EYS: variants seen among roughly 807,000 people sequenced by gnomAD.
The protein encoded by EYS is protein eyes shut homolog.
Under a neutral mutation model 282.1 loss-of-function variants are expected in EYS, and 250 were observed. That is an observed-to-expected ratio of 0.89 (90% CI 0.80 to 0.98). The LOEUF (loss-of-function observed/expected upper bound fraction) is 0.98. EYS is among the 50% of genes least tolerant of loss of function. The pLI is 0.00. For missense variants in EYS, 4,016 were observed against 3,709.0 expected (o/e 1.08, Z -2.15); for synonymous variants, 1,355 against 1,282.9 (o/e 1.06, Z -1.20).
At chr6:64,078,036 T>A (rs892627339) in intron 32 of EYS, among the ~76,000 whole-genome samples, 8 of 152,044 alleles carry the variant, frequency 5.3e-5, no homozygotes, top group African/African-American at 1.9e-4. Context: ...TTGTTCCTTT[T>A]CAACATCAAT....
intron 22 of EYS, among the ~76,000 whole-genome samples, chr6:64,769,184 G>T (rs1416363263): frequency 6.6e-6 from 1 of 152,036 alleles, no homozygotes; most frequent in African/African-American, 2.4e-5. Flanking sequence ...ACTATTACAG[G>T]CCTAAATCAT....
Position 65,525,845 on chromosome 6 carries a change from C to T in EYS, c.-332-29852G>A, listed in dbSNP as rs540197154. On this transcript the variant is annotated intron_variant, in intron 2 of 42. Transcript: ENST00000503581. ...AATTTCACAAAATAGCACTCTTGCCCATTTATAAATTATATTCTCTTAATT... is the reference window on the plus strand; with the variant it reads ...AATTTCACAAAATAGCACTCTTGCCTATTTATAAATTATATTCTCTTAATT... 1.9e-4 allele frequency among the ~76,000 whole-genome samples: 29 copies of T among 152,262 alleles called. 1 individual carries two copies. The South Asian group carries it at 3.1e-3, about 16-fold the overall frequency.
At chr6:64,692,768 T>G (rs1373205407) in intron 22 of EYS, among the ~76,000 whole-genome samples, 2 of 152,154 alleles carry the variant, frequency 1.3e-5, no homozygotes, top group East Asian at 3.9e-4. Context: ...ATTGCTTGTT[T>G]TTGTCTACCT....
In EYS at chr6:64,004,703, C is replaced by T. The variant is rs867842803; in HGVS notation, c.6726-5520G>A. 7.2e-5 allele frequency among the ~76,000 whole-genome samples: 11 copies of T among 152,168 alleles called. No individual in the cohort carries two copies. In the South Asian group the frequency reaches 1.0e-3, roughly 14 times the overall value. On this transcript the variant is annotated intron_variant, in intron 33 of 42. Transcript: ENST00000503581. ...TTAATATTTACCTCCCACTTGTAAA[C>T]GAGATTGTGTGGTATTTGGTTTTCT... is the stretch of plus-strand genomic sequence containing the variant.
intron 22 of EYS, among the ~76,000 whole-genome samples, chr6:64,730,628 C>T (rs1177236094): frequency 1.3e-5 from 2 of 152,060 alleles, no homozygotes; most frequent in Non-Finnish European, 2.9e-5. Flanking sequence ...CAGGCACGCA[C>T]CACCATGCCC....
At chr6:64,777,070 T>A (rs1381750015) in intron 22 of EYS, among the ~76,000 whole-genome samples, 1 of 152,156 alleles carries the variant, frequency 6.6e-6, no homozygotes, top group Non-Finnish European at 1.5e-5. Flanking sequence ...AGCCCCTTTT[T>A]AAACCATCAC....
chr6:64,449,892 C>T (rs1166477607), intron 26 of EYS, among the ~76,000 whole-genome samples: 1 of 152,184 alleles, frequency 6.6e-6, no homozygotes, highest in Non-Finnish European at 1.5e-5. Flanking sequence ...GTACCAGCCA[C>T]TGCAGAAACA....
intron 22 of EYS, among the ~76,000 whole-genome samples, chr6:64,721,855 C>T (rs1488328577): frequency 6.6e-6 from 1 of 152,098 alleles, no homozygotes; most frequent in Non-Finnish European, 1.5e-5. Context: ...CTAGGCCTTA[C>T]ATTTGTAGGG....
chr6:64,044,788 C>A (rs141405830), intron 33 of EYS, among the ~76,000 whole-genome samples: 74 of 151,900 alleles, frequency 4.9e-4, no homozygotes, highest in African/African-American at 1.8e-3. Context: ...TTTACTATGC[C>A]AAGCTGTTTT....
intron 29 of EYS, among the ~76,000 whole-genome samples, chr6:64,386,620 A>T (rs1001597061): frequency 9.9e-5 from 15 of 152,192 alleles, no homozygotes; most frequent in African/African-American, 3.4e-4. Context: ...ATGCAATGAT[A>T]AACCTGCCGT....
chr6:65,655,990 A>T (rs1418277506), intron 1 of EYS, among the ~76,000 whole-genome samples: 1 of 151,820 alleles, frequency 6.6e-6, no homozygotes, highest in Non-Finnish European at 1.5e-5. Flanking sequence ...ACATTTTCGT[A>T]ATTCTCACCA....
At chr6:65,100,785 A>T (rs549163835) in intron 12 of EYS, among the ~76,000 whole-genome samples, 97 of 150,898 alleles carry the variant, frequency 6.4e-4, no homozygotes, top group African/African-American at 1.1e-3. Flanking sequence ...AAAAAAAAAT[A>T]GAATAGAGAC....
intron 31 of EYS, among the ~76,000 whole-genome samples, chr6:64,094,640 T>C (rs534326232): frequency 6.6e-6 from 1 of 152,318 alleles, no homozygotes; most frequent in South Asian, 2.1e-4. Flanking sequence ...ATTTGATTCT[T>C]CTCTATTTTC....
At chr6:64,006,292 G>A (rs1768344250) in intron 33 of EYS, among the ~76,000 whole-genome samples, 1 of 152,054 alleles carries the variant, frequency 6.6e-6, no homozygotes, top group Non-Finnish European at 1.5e-5. Flanking sequence ...GTATAGAAAT[G>A]CTACTGATTT....
intron 18 of EYS, among the ~76,000 whole-genome samples, chr6:64,900,090 A>G (rs1440636096): frequency 4.6e-5 from 7 of 152,142 alleles, no homozygotes; most frequent in Non-Finnish European, 8.8e-5. Context: ...ATCTACAACC[A>G]TCTGATCTTT....
intron 31 of EYS, among the ~76,000 whole-genome samples, chr6:64,139,130 G>A (rs759066541): frequency 6.6e-6 from 1 of 152,102 alleles, no homozygotes; most frequent in Non-Finnish European, 1.5e-5. Flanking sequence ...ATTTGAGAAG[G>A]CTGATAATTT....
intron 2 of EYS, among the ~76,000 whole-genome samples, chr6:65,538,066 AT>A (rs1768025059): frequency 1.3e-5 from 2 of 152,198 alleles, no homozygotes; most frequent in African/African-American, 4.8e-5. Flanking sequence ...GCAATAAAAA[AT>A]ATAACTTGAT....
rs1389004908 is a variant in EYS at position 63,806,284 on chromosome 6, G to A, written c.7317C>T (p.Ser2439=). The change falls in exon 37 of 43, where the codon AGC becomes AGT. Residue 2439 remains serine (S), a synonymous_variant. Transcript: ENST00000503581. ...FLAYSRISDI[S]FHYEFHLKFQ... ...ACTTCAGGTGGAATTCATAATGGAAGCTGATGTCTGAGATCCGTGAATAAG... is the reference window on the plus strand; with the variant it reads ...ACTTCAGGTGGAATTCATAATGGAAACTGATGTCTGAGATCCGTGAATAAG... 5 of 1,551,632 alleles carry A rather than the reference G, an allele frequency of 3.2e-6. No homozygotes were observed. Among genetic ancestry groups the A allele is most frequent in the Non-Finnish European group, 3.5e-6 (4 of 1,146,888 alleles).
At chr6:65,644,955 A>C (rs1767401559) in intron 1 of EYS, among the ~76,000 whole-genome samples, 1 of 152,204 alleles carries the variant, frequency 6.6e-6, no homozygotes, top group South Asian at 2.1e-4. Context: ...AACCTCCTTA[A>C]AGCATAAATC....
Sources: gnomAD v4.1 joint callset for allele counts (sites outside exome capture counted in the v4.1 genomes callset) on GRCh38, gnomAD v4.1.1 for gene constraint, MANE v1.5 for transcripts, NCBI Gene and HGNC (gene_info 2026-07-23, HGNC 2026-07-21) for gene names.